The following PRMT8 variants were observed in gnomAD, a reference collection of about 807,000 sequenced individuals.
The protein encoded by PRMT8 is protein arginine methyltransferase 8.
PRMT8 carries 7 observed loss-of-function variants against 47.1 expected under a neutral mutation model. That is an observed-to-expected ratio of 0.15 (90% CI 0.08 to 0.28). PRMT8 has a LOEUF of 0.28. Ranked by LOEUF, PRMT8 falls within the 10% of genes least tolerant of loss-of-function variation. The pLI, the probability that PRMT8 is intolerant of heterozygous loss-of-function variation, is 1.00. For synonymous variants in PRMT8, 188 were observed against 186.5 expected, an observed-to-expected ratio of 1.01 and a Z score of -0.07; for missense variants, 237 against 505.4, an observed-to-expected ratio of 0.47 and a Z score of 5.09.
At chr12:3,398,552 G>A (rs996302000) in intron 1 of PRMT8, among the ~76,000 whole-genome samples, 1 of 152,198 alleles carries the variant, frequency 6.6e-6, no homozygotes, top group Non-Finnish European at 1.5e-5. Flanking sequence ...AAGATTTAGT[G>A]GTTTCCTCAG....
chr12:3,424,104 T>C (rs1467340251), intron 1 of PRMT8, among the ~76,000 whole-genome samples: 1 of 152,210 alleles, frequency 6.6e-6, no homozygotes, highest in East Asian at 1.9e-4. Flanking sequence ...TCCTGGAATT[T>C]CTGGTACTGG....
intron 1 of PRMT8, among the ~76,000 whole-genome samples, chr12:3,397,905 A>G (rs576318366): frequency 2.1e-3 from 319 of 152,012 alleles, no homozygotes; most frequent in South Asian, 5.2e-3. Context: ...GTGGGATGTA[A>G]TCTCCTGGTG....
chr12:3,540,330 A>G (rs1866199845), intron 1 of PRMT8, among the ~76,000 whole-genome samples: 1 of 152,182 alleles, frequency 6.6e-6, no homozygotes, highest in South Asian at 2.1e-4. Flanking sequence ...ACAGAAACTG[A>G]GGCCTGCATT....
chr12:3,397,508 C>G (rs1175047828), intron 1 of PRMT8, among the ~76,000 whole-genome samples: 3 of 151,018 alleles, frequency 2.0e-5, no homozygotes. Flanking sequence ...GGGGTGCCTC[C>G]CAGTTAGGCT....
At chr12:3,579,227 C>T (rs1044483472) in intron 7 of PRMT8, among the ~76,000 whole-genome samples, 12 of 152,152 alleles carry the variant, frequency 7.9e-5, no homozygotes, top group African/African-American at 1.2e-4. Context: ...GGCATCTGCA[C>T]GTACTGGCTT....
At position 3,556,673 on chromosome 12, in the gene PRMT8, TA is replaced by T. The variant is rs77853953; in HGVS notation, c.481+2969del. On this transcript the variant is annotated intron_variant, in intron 4 of 9. Coordinates refer to ENST00000382622, the MANE Select transcript of PRMT8 (RefSeq NM_019854.5). ...GTGGCATTAAGGGAAGAAGTTTTTTTAAAAAAAAAATAGGAGATATGAAAAC... is the reference window on the plus strand; with the variant it reads ...GTGGCATTAAGGGAAGAAGTTTTTTTAAAAAAAAATAGGAGATATGAAAAC... Among the ~76,000 whole-genome samples the T allele has an allele frequency of 7.9e-3, 1,184 of 150,530 alleles. 8 individuals carry two copies. The highest frequency in any genetic ancestry group is 0.025 in the African/African-American group (1,040 of 41,206).
At chr12:3,537,610 C>G (rs1456688553) in intron 1 of PRMT8, among the ~76,000 whole-genome samples, 1 of 152,158 alleles carries the variant, frequency 6.6e-6, no homozygotes, top group Middle Eastern at 3.2e-3. Flanking sequence ...CCCCCCACCC[C>G]AACCTGCTCT....
intron 1 of PRMT8, among the ~76,000 whole-genome samples, chr12:3,468,792 A>G (rs1221495057): frequency 1.3e-5 from 2 of 152,258 alleles, no homozygotes; most frequent in Non-Finnish European, 2.9e-5. Flanking sequence ...AACACCTGAA[A>G]TAAAAGTCCC....
Position 3,433,173 on chromosome 12 carries a change from T to C in PRMT8, c.48+51731T>C, listed in dbSNP as rs564260297. ...GGATGGAAAGTGGCCTCTTGTTTTG[T>C]GTTGTGTGTCTTTGATCAATAGTGA... On this transcript the variant is annotated intron_variant, in intron 1 of 9. Transcript: ENST00000452611. Among the ~76,000 whole-genome samples the C allele has an allele frequency of 2.6e-5, 4 of 152,342 alleles. No individual in the cohort carries two copies. The South Asian group carries it at 8.3e-4, about 32-fold the overall frequency.
intron 1 of PRMT8, among the ~76,000 whole-genome samples, chr12:3,386,866 C>G (rs1364623843): frequency 1.3e-5 from 2 of 152,016 alleles, no homozygotes; most frequent in Non-Finnish European, 2.9e-5. Context: ...CCTGCCACCA[C>G]GCCTGGCTAA....
chr12:3,382,124 A>G (rs959756106), intron 1 of PRMT8, among the ~76,000 whole-genome samples: 2 of 152,202 alleles, frequency 1.3e-5, no homozygotes, highest in Non-Finnish European at 2.9e-5. Flanking sequence ...TTGTTTAACC[A>G]TTCACTCACT....
At chr12:3,443,140 G>A (rs982024428) in intron 1 of PRMT8, among the ~76,000 whole-genome samples, 2 of 152,128 alleles carry the variant, frequency 1.3e-5, no homozygotes, top group African/African-American at 2.4e-5. Flanking sequence ...CTAAGACAAC[G>A]CTATTGTCTA....
chr12:3,405,115 G>A (rs184323789), intron 1 of PRMT8, among the ~76,000 whole-genome samples: 15 of 152,298 alleles, frequency 9.8e-5, no homozygotes, highest in Admixed American at 9.8e-4. Flanking sequence ...CATGGCTGGG[G>A]AGGCCTCAGG....
intron 8 of PRMT8, among the ~76,000 whole-genome samples, chr12:3,590,780 A>G (rs528977253): frequency 2.0e-5 from 3 of 152,266 alleles, no homozygotes; most frequent in South Asian, 2.1e-4. Flanking sequence ...GTACGAGTAC[A>G]TTGAAGCACT....
At chr12:3,536,664 T>C (rs1338272842) in intron 1 of PRMT8, among the ~76,000 whole-genome samples, 5 of 152,190 alleles carry the variant, frequency 3.3e-5, no homozygotes, top group African/African-American at 9.7e-5. Context: ...AGCAGGGTCC[T>C]CCCTGGTGGC....
chr12:3,429,259 C>T (rs1338911374), intron 1 of PRMT8, among the ~76,000 whole-genome samples: 1 of 152,196 alleles, frequency 6.6e-6, no homozygotes, highest in Non-Finnish European at 1.5e-5. Flanking sequence ...GGGACCTGTT[C>T]AGGCTTCCTT....
At chr12:3,421,283 A>G (rs1421463414) in intron 1 of PRMT8, among the ~76,000 whole-genome samples, 5 of 152,174 alleles carry the variant, frequency 3.3e-5, no homozygotes, top group Non-Finnish European at 4.4e-5. Context: ...CTGGTGGGAC[A>G]GAAGGACACT....
At chr12:3,547,444 T>G (rs570391738) in intron 2 of PRMT8, among the ~76,000 whole-genome samples, 1 of 151,162 alleles carries the variant, frequency 6.6e-6, no homozygotes, top group African/African-American at 2.4e-5. Context: ...CATTGCAAAA[T>G]GAAAAATTTT....
At position 3,583,244 on chromosome 12, in the gene PRMT8, C is replaced by T. The variant is rs373671002; in HGVS notation, c.979+36C>T. 23 of 1,580,392 alleles carry T rather than the reference C, an allele frequency of 1.5e-5. No homozygotes were observed. The South Asian group carries it at 2.1e-4, about 14-fold the overall frequency. ...TGTTGCTTCCCAGAGCCTCCTCCCT[C>T]TCCCATGCTTCCTCAAGTCTTTGTG... On this transcript the variant is annotated intron_variant, in intron 8 of 9. Transcript: ENST00000382622. The surrounding 1 kb of genome is among the most constrained non-coding windows in gnomAD (Gnocchi z 4.7).
Sources: gnomAD v4.1 joint callset for allele counts (sites outside exome capture counted in the v4.1 genomes callset) on GRCh38, gnomAD v4.1.1 for gene constraint, Gnocchi (gnomAD v3.1) non-coding constraint, MANE v1.5 for transcripts, NCBI Gene and HGNC (gene_info 2026-07-23, HGNC 2026-07-21) for gene names.